The following IRAG1 variants were observed in gnomAD, a reference collection of about 807,000 sequenced individuals.
IRAG1 encodes the protein IP3R-associated cGMP kinase substrate.
A neutral mutation model predicts 106.2 loss-of-function variants in IRAG1; 62 were observed. The ratio of observed to expected loss-of-function variants is 0.58; its 90% CI spans 0.48 to 0.72. The LOEUF (loss-of-function observed/expected upper bound fraction) is 0.72, where lower values mean the gene tolerates loss of function less well. IRAG1 is among the 30% of genes least tolerant of loss of function. The pLI is 0.00. For synonymous variants in IRAG1, 462 were observed against 443.9 expected, an observed-to-expected ratio of 1.04 and a Z score of -0.51; for missense variants, 1,064 against 1,140.7, an observed-to-expected ratio of 0.93 and a Z score of 0.97.
chr11:10,677,202 T>C (rs1860752549), intron 1 of IRAG1, among the ~76,000 whole-genome samples: 1 of 152,142 alleles, frequency 6.6e-6, no homozygotes, highest in Non-Finnish European at 1.5e-5. Flanking sequence ...ACCCTGTACT[T>C]TTCCTGGGAA....
intron 1 of IRAG1, among the ~76,000 whole-genome samples, chr11:10,674,417 T>A (rs917654025): frequency 6.6e-6 from 1 of 152,150 alleles, no homozygotes; most frequent in Non-Finnish European, 1.5e-5. Context: ...CACCTTTCAG[T>A]TCTCACCCTG....
intron 2 of IRAG1, among the ~76,000 whole-genome samples, chr11:10,646,344 C>A (rs1857941256): frequency 6.6e-6 from 1 of 152,218 alleles, no homozygotes. Context: ...TCCATCATAT[C>A]TACTATCCTC....
intron 1 of IRAG1, among the ~76,000 whole-genome samples, chr11:10,658,791 T>G (rs1193204666): frequency 6.6e-6 from 1 of 151,472 alleles, no homozygotes; most frequent in Non-Finnish European, 1.5e-5. Flanking sequence ...GCCCCGTGTC[T>G]GTGCTGTGCT....
chr11:10,593,257 A>G (rs1236893232), intron 17 of IRAG1: 1 of 346,242 alleles, frequency 2.9e-6, no homozygotes, highest in East Asian at 5.5e-5. Context: ...ATCATTTGCA[A>G]AGAACGCTGA....
chr11:10,580,311 C>T, intron 20 of IRAG1, 144 bp downstream of exon 20: 1 of 1,247,186 alleles, frequency 8.0e-7, no homozygotes, highest in Non-Finnish European at 1.1e-6. Flanking sequence ...CATGTGTGCC[C>T]TCTTGGTTTC....
chr11:10,581,685 T>C (rs1367442237), intron 19 of IRAG1, among the ~76,000 whole-genome samples, 182 bp downstream of exon 19: 1 of 152,190 alleles, frequency 6.6e-6, no homozygotes, highest in African/African-American at 2.4e-5. Context: ...CCTCTGACCC[T>C]GCTTCCTCCT....
At chr11:10,642,155 C>T (rs541126508) in intron 2 of IRAG1, among the ~76,000 whole-genome samples, 121 of 152,306 alleles carry the variant, frequency 7.9e-4, no homozygotes, top group African/African-American at 2.9e-3. Flanking sequence ...GCCCAGCCTC[C>T]CTGGGGGTCC....
intron 10 of IRAG1, among the ~76,000 whole-genome samples, chr11:10,615,339 A>G (rs375440843): frequency 6.6e-6 from 1 of 152,334 alleles, no homozygotes; most frequent in East Asian, 1.9e-4. Context: ...TGGTGGGACT[A>G]TGAACTGGTT....
At chr11:10,655,901 C>T (rs1193894200) in intron 1 of IRAG1, among the ~76,000 whole-genome samples, 1 of 152,178 alleles carries the variant, frequency 6.6e-6, no homozygotes, top group Non-Finnish European at 1.5e-5. Flanking sequence ...TGAGGCCCCA[C>T]TCTTGACAAG....
In IRAG1 at chr11:10,600,972, T is replaced by C. The variant is rs1853933081; in HGVS notation, c.1963A>G (p.Met655Val). ...TGATTTGCAAGCTTTTTAAACTCCATGAGCTCCGCATGGTCCTTCTCATAC... is the reference window on the plus strand; with the variant it reads ...TGATTTGCAAGCTTTTTAAACTCCACGAGCTCCGCATGGTCCTTCTCATAC... ...RTYEKDHAEL[M>V]EFKKLANQNS... is the part of the protein sequence containing the mutation. The change falls in exon 15 of 21, where the codon ATG becomes GTG. Residue 655 changes from methionine (M) to valine (V), a missense_variant. Transcript: ENST00000423302. 6.2e-7 allele frequency: 1 copy of C among 1,613,646 alleles called. No individual in the cohort carries two copies. The highest frequency in any genetic ancestry group is 1.7e-5 in the Admixed American group (1 of 60,024).
At chr11:10,691,558 A>G (rs1215474571) in intron 1 of IRAG1, among the ~76,000 whole-genome samples, 2 of 152,102 alleles carry the variant, frequency 1.3e-5, no homozygotes, top group African/African-American at 4.8e-5. Flanking sequence ...TAGGTTTCAC[A>G]TGGCCCTAAC....
intron 15 of IRAG1, among the ~76,000 whole-genome samples, chr11:10,597,631 A>G (rs1203676773): frequency 6.6e-6 from 1 of 152,238 alleles, no homozygotes; most frequent in Admixed American, 6.5e-5. Context: ...TGTTAGGATT[A>G]CAGACGTGAG....
intron 17 of IRAG1, among the ~76,000 whole-genome samples, chr11:10,593,035 T>C (rs1852854142): frequency 6.6e-6 from 1 of 152,230 alleles, no homozygotes; most frequent in Non-Finnish European, 1.5e-5. Context: ...TGGAGTTGTT[T>C]CCCACTTTTC....
In IRAG1 at chr11:10,680,534, AGGAAGGGGAAGG is replaced by A. The variant is rs769019874; in HGVS notation, c.67+12990_67+13001del. On this transcript the variant is annotated intron_variant, in intron 1 of 20. Coordinates refer to ENST00000423302, the MANE Select transcript of IRAG1 (RefSeq NM_130385.4). Reference sequence around the variant, plus strand: ...GAAAAAGAAAGGAAGAAAGGAAGGAAGGAAGGGGAAGGGGAAGGGGAAGGGGAAGGGGAAGGG... The same window carrying A: ...GAAAAAGAAAGGAAGAAAGGAAGGAAGGAAGGGGAAGGGGAAGGGGAAGGG... 2.3e-3 allele frequency among the ~76,000 whole-genome samples: 326 copies of A among 141,318 alleles called. 1 individual carries two copies. Among genetic ancestry groups the A allele is most frequent in the African/African-American group, 6.8e-3 (250 of 36,848 alleles). 92.7% of individuals were successfully genotyped at this position (141,318 alleles called of 152,430 possible).
intron 1 of IRAG1, among the ~76,000 whole-genome samples, chr11:10,686,310 C>A (rs1018408781): frequency 6.6e-6 from 1 of 152,164 alleles, no homozygotes; most frequent in Non-Finnish European, 1.5e-5. Context: ...ACCTCGGCAA[C>A]ATTTACAGAC....
chr11:10,670,582 C>G (rs1860138005), intron 1 of IRAG1, among the ~76,000 whole-genome samples: 1 of 152,184 alleles, frequency 6.6e-6, no homozygotes, highest in African/African-American at 2.4e-5. Flanking sequence ...AAGGCTATTG[C>G]TATGGGCTTA....
intron 5 of IRAG1, among the ~76,000 whole-genome samples, chr11:10,629,202 T>C (rs1313157158): frequency 2.6e-5 from 4 of 152,130 alleles, no homozygotes; most frequent in African/African-American, 7.2e-5. Context: ...TCCTCCTAAG[T>C]ACACTTACAC....
At chr11:10,633,705 C>T (rs1300287228) in intron 3 of IRAG1, among the ~76,000 whole-genome samples, 1 of 152,198 alleles carries the variant, frequency 6.6e-6, no homozygotes, top group African/African-American at 2.4e-5. Flanking sequence ...CCTCCACTAG[C>T]CCTGCTGGGG....
intron 4 of IRAG1, 102 bp downstream of exon 4, chr11:10,631,888 GA>G: frequency 1.1e-6 from 1 of 900,396 alleles, no homozygotes; most frequent in South Asian, 1.4e-5. Flanking sequence ...GACTTATCGG[GA>G]GGGAGCGCCT....
Sources: allele counts gnomAD v4.1 joint callset (sites outside exome capture counted in the v4.1 genomes callset), GRCh38; gene constraint gnomAD v4.1.1; transcripts MANE v1.5; gene names NCBI Gene and HGNC (gene_info 2026-07-23, HGNC 2026-07-21).